Variants in TPD52L1 observed in about 807,000 individuals in gnomAD.
TPD52L1 encodes the protein tumor protein D53.
Under a neutral mutation model 28.7 loss-of-function variants are expected in TPD52L1, and 18 were observed. That is an observed-to-expected ratio of 0.63 (90% confidence interval 0.43 to 0.93). TPD52L1 has a LOEUF of 0.93. Ranked by LOEUF, TPD52L1 falls within the 40% of genes least tolerant of loss-of-function variation. TPD52L1 has a pLI of 0.00. For synonymous variants in TPD52L1, 75 were observed against 88.8 expected (o/e 0.84, Z 0.88); for missense variants, 203 against 254.8 (o/e 0.80, Z 1.39).
intron 2 of TPD52L1, among the ~76,000 whole-genome samples, chr6:125,222,389 G>A (rs1037216427): frequency 2.0e-5 from 3 of 152,104 alleles, no homozygotes; most frequent in Non-Finnish European, 4.4e-5. Context: ...AGCTCCTTGG[G>A]TACCAAAGAT....
At chr6:125,155,189 G>A (rs1790038124) in intron 1 of TPD52L1, among the ~76,000 whole-genome samples, 1 of 152,266 alleles carries the variant, frequency 6.6e-6, no homozygotes, top group African/African-American at 2.4e-5. Flanking sequence ...GGTGAGGGCA[G>A]TTGGTCAAAT....
Position 125,216,213 on chromosome 6 carries a change from GT to G in TPD52L1, c.20-3863del, listed in dbSNP as rs373722738. Among the ~76,000 whole-genome samples, 394 of 152,148 alleles carry G rather than the reference GT, an allele frequency of 2.6e-3. 2 individuals are homozygous for G. The highest frequency in any genetic ancestry group is 9.2e-3 in the African/African-American group (381 of 41,494). ...TTCTCTTGAGTCTGTAGTCTCATAG[GT>G]TGCTGATGTTGCATAAAACTGGTAC... is the stretch of plus-strand genomic sequence containing the variant. On this transcript the variant is annotated intron_variant, in intron 1 of 6. Coordinates refer to ENST00000534000, the MANE Select transcript of TPD52L1 (RefSeq NM_003287.4).
chr6:125,236,933 A>G (rs1038010010), intron 3 of TPD52L1, among the ~76,000 whole-genome samples: 4 of 152,168 alleles, frequency 2.6e-5, no homozygotes, highest in African/African-American at 9.7e-5. Flanking sequence ...TGCAGGCTTA[A>G]GTCTTTTTAA....
intron 3 of TPD52L1, among the ~76,000 whole-genome samples, chr6:125,229,486 T>C (rs1795813741): frequency 6.6e-6 from 1 of 152,268 alleles, no homozygotes; most frequent in Admixed American, 6.5e-5. Context: ...CTCTGTTCAC[T>C]GAAACTCTAT....
chr6:125,192,354 A>G (rs1414032323), intron 1 of TPD52L1, among the ~76,000 whole-genome samples: 1 of 151,700 alleles, frequency 6.6e-6, no homozygotes, highest in East Asian at 1.9e-4. Context: ...TTGCCTCAGC[A>G]GGATCCCCGA....
intron 1 of TPD52L1, among the ~76,000 whole-genome samples, chr6:125,194,892 G>C (rs756892527): frequency 6.6e-6 from 1 of 152,210 alleles, no homozygotes; most frequent in East Asian, 1.9e-4. Flanking sequence ...GACTTAGAGA[G>C]AGTTTATTCA....
chr6:125,212,218 C>T (rs1276265947), intron 1 of TPD52L1, among the ~76,000 whole-genome samples: 1 of 152,100 alleles, frequency 6.6e-6, no homozygotes, highest in Non-Finnish European at 1.5e-5. Context: ...ATATAAGCTA[C>T]TTTATTGCAT....
rs1285845222 is a variant in TPD52L1, at chr6:125,264,108, G to A, written c.*1146G>A. The A allele has an allele frequency of 6.6e-6, 1 of 152,098 alleles. No individual in the cohort carries two copies. Among genetic ancestry groups the A allele is most frequent in the African/African-American group, 2.4e-5 (1 of 41,410 alleles). 9.4% of individuals were successfully genotyped at this position (152,098 alleles called of 1,614,324 possible). ...TTGTTCACATGTATGAAAATAACTG[G>A]TATTTATCAATCCACTCAGATTTCT... On this transcript the variant is annotated 3_prime_UTR_variant, in exon 7 of 7. Coordinates refer to ENST00000534000, the MANE Select transcript of TPD52L1 (RefSeq NM_003287.4).
intron 1 of TPD52L1, among the ~76,000 whole-genome samples, chr6:125,160,395 G>A (rs571021013): frequency 5.7e-4 from 87 of 152,058 alleles, no homozygotes; most frequent in African/African-American, 2.0e-3. Flanking sequence ...GGTCTTGCTC[G>A]GTTGCCTAGG....
At chr6:125,193,224 G>A (rs904200596) in intron 1 of TPD52L1, among the ~76,000 whole-genome samples, 1 of 152,158 alleles carries the variant, frequency 6.6e-6, no homozygotes, top group Non-Finnish European at 1.5e-5. Flanking sequence ...GGGGATGGAG[G>A]CTGTGGCTAA....
chr6:125,221,927 G>GC (rs1795258267), intron 2 of TPD52L1: 1 of 152,186 alleles, frequency 6.6e-6, no homozygotes, highest in South Asian at 2.1e-4. Flanking sequence ...ACCGCATGCT[G>GC]CCAAAGGTAG....
At chr6:125,203,657 G>A in intron 1 of TPD52L1, 1 of 985,372 alleles carries the variant, frequency 1.0e-6, no homozygotes, top group Non-Finnish European at 1.2e-6. Flanking sequence ...TGTGCATAAG[G>A]CCACATGACC....
At chr6:125,183,929 TA>T (rs750440376) in intron 1 of TPD52L1, among the ~76,000 whole-genome samples, 44 of 152,316 alleles carry the variant, frequency 2.9e-4, no homozygotes, top group Non-Finnish European at 6.0e-4. Context: ...TGTCTAAAAT[TA>T]AAAATATTAA....
chr6:125,222,688 T>C (rs1000118764), intron 2 of TPD52L1, among the ~76,000 whole-genome samples: 6 of 152,252 alleles, frequency 3.9e-5, no homozygotes, highest in African/African-American at 1.4e-4. Context: ...AACAGGCAGC[T>C]GTGACCTAGG....
chr6:125,177,828 A>G (rs532946148), intron 1 of TPD52L1, among the ~76,000 whole-genome samples: 18 of 152,240 alleles, frequency 1.2e-4, no homozygotes, highest in Non-Finnish European at 1.9e-4. Context: ...TTTAAATAGT[A>G]TGATATTAAC....
intron 1 of TPD52L1, chr6:125,208,787 G>A: frequency 6.2e-6 from 2 of 323,210 alleles, no homozygotes; most frequent in Non-Finnish European, 8.9e-6. Flanking sequence ...AGAAAAAGTA[G>A]CAAATGCCTG....
At chr6:125,190,777 C>A (rs1351129050) in intron 1 of TPD52L1, among the ~76,000 whole-genome samples, 1 of 152,070 alleles carries the variant, frequency 6.6e-6, no homozygotes, top group Non-Finnish European at 1.5e-5. Flanking sequence ...CTTTGAGAAT[C>A]AAATGCTGCC....
chr6:125,215,078 G>T (rs1458261448), intron 1 of TPD52L1, among the ~76,000 whole-genome samples: 1 of 152,186 alleles, frequency 6.6e-6, no homozygotes, highest in African/African-American at 2.4e-5. Context: ...CTTGCTAAAA[G>T]TGGTGACTTG....
chr6:125,170,406 T>C (rs1791217451), intron 1 of TPD52L1, among the ~76,000 whole-genome samples: 1 of 150,640 alleles, frequency 6.6e-6, no homozygotes, highest in South Asian at 2.1e-4. Context: ...TAGAAATTTT[T>C]CTCTTAGGGG....
Sources: gnomAD v4.1 joint callset for allele counts (sites outside exome capture counted in the v4.1 genomes callset) on GRCh38, gnomAD v4.1.1 for gene constraint, MANE v1.5 for transcripts, NCBI Gene and HGNC (gene_info 2026-07-23, HGNC 2026-07-21) for gene names.